TMEM132C: variants seen among roughly 807,000 people sequenced by gnomAD.
TMEM132C encodes protein phosphatase 1, regulatory subunit 152.
In TMEM132C, 29 loss-of-function variants were observed where a neutral mutation model predicts 61.4. The observed-to-expected ratio is 0.47, with a 90% CI of 0.35 to 0.64. The LOEUF (loss-of-function observed/expected upper bound fraction) is 0.64. TMEM132C is among the 30% of genes least tolerant of loss of function. The pLI is 0.00. For missense variants in TMEM132C, 1,408 were observed against 1,476.9 expected, an observed-to-expected ratio of 0.95 and a Z score of 0.76; for synonymous variants, 656 against 633.1, an observed-to-expected ratio of 1.04 and a Z score of -0.54.
intron 2 of TMEM132C, among the ~76,000 whole-genome samples, chr12:128,498,661 A>G (rs1872053325): frequency 6.6e-6 from 1 of 151,826 alleles, no homozygotes; most frequent in Non-Finnish European, 1.5e-5. Flanking sequence ...AGCAACAGAG[A>G]CTCCATCTCA....
intron 2 of TMEM132C, among the ~76,000 whole-genome samples, chr12:128,489,408 T>C (rs900115465): frequency 1.3e-5 from 2 of 151,432 alleles, no homozygotes; most frequent in African/African-American, 4.8e-5. Flanking sequence ...TCTTAGCTGC[T>C]GTAGCACAGA....
chr12:128,280,455 A>G (rs1870854754), intron 1 of TMEM132C, among the ~76,000 whole-genome samples: 1 of 152,246 alleles, frequency 6.6e-6, no homozygotes, highest in South Asian at 2.1e-4. Flanking sequence ...CTTCAAACAC[A>G]GACCAGAATT....
chr12:128,587,205 C>T (rs1688354219), intron 3 of TMEM132C, among the ~76,000 whole-genome samples: 2 of 152,204 alleles, frequency 1.3e-5, no homozygotes, highest in Admixed American at 1.3e-4. Context: ...TTCATCCAGG[C>T]TGTTATAATG....
chr12:128,521,579 T>G (rs992883954), intron 2 of TMEM132C, among the ~76,000 whole-genome samples: 3 of 152,046 alleles, frequency 2.0e-5, no homozygotes, highest in Admixed American at 1.3e-4. Context: ...TTAATAATTT[T>G]AACAGATTAT....
At chr12:128,441,460 C>T (rs769236886) in intron 2 of TMEM132C, among the ~76,000 whole-genome samples, 2 of 152,206 alleles carry the variant, frequency 1.3e-5, no homozygotes, top group African/African-American at 2.4e-5. Context: ...TAGCTGCTTC[C>T]AAATCTGCAG....
At chr12:128,387,314 G>A (rs548246126) in intron 1 of TMEM132C, among the ~76,000 whole-genome samples, 1 of 152,238 alleles carries the variant, frequency 6.6e-6, no homozygotes, top group South Asian at 2.1e-4. Context: ...CGTGGAGGTT[G>A]CCCCAGATCT....
intron 3 of TMEM132C, among the ~76,000 whole-genome samples, chr12:128,591,384 G>C (rs147673753): frequency 1.3e-5 from 2 of 152,098 alleles, no homozygotes; most frequent in Non-Finnish European, 2.9e-5. Flanking sequence ...TTTGTTACTG[G>C]TGTCTTCCAC....
At chr12:128,436,738 C>T (rs149246922) in intron 2 of TMEM132C, among the ~76,000 whole-genome samples, 3,066 of 152,272 alleles carry the variant, frequency 0.02, 53 homozygotes, top group Middle Eastern at 0.041. Context: ...GACAGTGTGG[C>T]GATTCCTCAA....
chr12:128,588,895 C>T (rs1036948750), intron 3 of TMEM132C, among the ~76,000 whole-genome samples: 1 of 152,132 alleles, frequency 6.6e-6, no homozygotes, highest in Non-Finnish European at 1.5e-5. Flanking sequence ...AGCCAAGATA[C>T]CTGGTGTAAG....
At position 128,267,323 on chromosome 12, in the gene TMEM132C, C is replaced by T. The variant is rs1421092886; in HGVS notation, c.-80C>T. On this transcript the variant is annotated 5_prime_UTR_variant, in exon 1 of 9. Transcript: ENST00000435159. ...ACCGGGCTGCGGGAGTGGCCCCGGG[C>T]ATGGGGCGGCCGGCGGGGGCCGCGG... is the stretch of plus-strand genomic sequence containing the variant. 2 of 895,838 alleles carry T rather than the reference C, an allele frequency of 2.2e-6. No homozygotes were observed. The highest frequency in any genetic ancestry group is 2.7e-6 in the Non-Finnish European group (2 of 750,010). The allele number at this position is 895,838 out of a possible 1,614,324, so 55.5% of individuals were successfully genotyped here. A position where few individuals can be genotyped will look rare whatever the true frequency, so the allele number is the denominator to read the frequency against.
intron 1 of TMEM132C, among the ~76,000 whole-genome samples, chr12:128,332,013 CCCTG>C (rs576227781): frequency 1.4e-3 from 214 of 152,280 alleles, no homozygotes; most frequent in African/African-American, 4.6e-3. Flanking sequence ...CAAGCTCAAG[CCCTG>C]ATGACGCCTG....
chr12:128,319,299 T>A (rs1351833753), intron 1 of TMEM132C, among the ~76,000 whole-genome samples: 1 of 152,140 alleles, frequency 6.6e-6, no homozygotes, highest in Non-Finnish European at 1.5e-5. Context: ...GCTAATGGAA[T>A]GCTAACTCCT....
chr12:128,610,671 C>T (rs569521645), intron 3 of TMEM132C, among the ~76,000 whole-genome samples: 62 of 152,306 alleles, frequency 4.1e-4, no homozygotes, highest in Middle Eastern at 3.4e-3. Flanking sequence ...TTGGTCCCTT[C>T]AAGGCAAAGC....
intron 1 of TMEM132C, among the ~76,000 whole-genome samples, chr12:128,364,419 C>T (rs567200313): frequency 1.6e-4 from 25 of 152,100 alleles, no homozygotes; most frequent in Non-Finnish European, 3.2e-4. Context: ...TTCCGTCCCT[C>T]GGGGGACCCG....
intron 2 of TMEM132C, among the ~76,000 whole-genome samples, chr12:128,493,525 T>C (rs1038084546): frequency 2.6e-5 from 4 of 152,178 alleles, no homozygotes; most frequent in Non-Finnish European, 5.9e-5. Context: ...TTTTATTTCA[T>C]TGAGCAGTGG....
chr12:128,524,777 G>C (rs1015108075), intron 2 of TMEM132C, among the ~76,000 whole-genome samples: 3 of 152,176 alleles, frequency 2.0e-5, no homozygotes, highest in African/African-American at 7.2e-5. Flanking sequence ...TAGGTAACCT[G>C]TCAGTTCTCT....
intron 2 of TMEM132C, among the ~76,000 whole-genome samples, chr12:128,483,854 CATAA>C (rs1245406442): frequency 1.3e-5 from 2 of 152,026 alleles, no homozygotes; most frequent in African/African-American, 4.8e-5. Flanking sequence ...TATATTTAAT[CATAA>C]ATAGATTTAA....
At chr12:128,574,977 G>T (rs566891433) in intron 3 of TMEM132C, among the ~76,000 whole-genome samples, 1 of 152,134 alleles carries the variant, frequency 6.6e-6, no homozygotes, top group Admixed American at 6.6e-5. Context: ...AGAGATAACA[G>T]GTAATAAAAT....
intron 2 of TMEM132C, among the ~76,000 whole-genome samples, chr12:128,488,508 G>A (rs141793688): frequency 0.012 from 1,866 of 152,014 alleles, 38 homozygotes; most frequent in African/African-American, 0.043. Context: ...TAAAAATACA[G>A]AAATTAGCCG....
Sources: gnomAD v4.1 joint callset for allele counts (sites outside exome capture counted in the v4.1 genomes callset) on GRCh38, gnomAD v4.1.1 for gene constraint, MANE v1.5 for transcripts, NCBI Gene and HGNC (gene_info 2026-07-23, HGNC 2026-07-21) for gene names.